The following KIAA0232 variants were observed in gnomAD, a reference collection of about 807,000 sequenced individuals.
KIAA0232 encodes uncharacterized protein KIAA0232.
KIAA0232 carries 27 observed loss-of-function variants against 122.0 expected under a neutral mutation model. The observed-to-expected ratio is 0.22, with a 90% CI of 0.16 to 0.31. The LOEUF is 0.31. Ranked by LOEUF, KIAA0232 falls within the 10% of genes least tolerant of loss-of-function variation. The probability of loss-of-function intolerance (pLI) is 1.00; values close to 1 mark genes in which losing one functional copy is unlikely to be tolerated. For synonymous variants in KIAA0232, 613 were observed against 587.6 expected, an observed-to-expected ratio of 1.04 and a Z score of -0.63; for missense variants, 1,551 against 1,634.2, an observed-to-expected ratio of 0.95 and a Z score of 0.88.
chr4:6,854,718 A>G (rs1234603329), intron 4 of KIAA0232, among the ~76,000 whole-genome samples: 2 of 152,176 alleles, frequency 1.3e-5, no homozygotes, highest in South Asian at 2.1e-4. Flanking sequence ...CAGTTAGGAA[A>G]AGCAATTCAT....
Position 6,882,091 on chromosome 4 carries a change from C to T in KIAA0232, c.*1125C>T, listed in dbSNP as rs1353076197. 1 of 152,498 alleles carries T rather than the reference C, an allele frequency of 6.6e-6. No individual in the cohort carries two copies. The highest frequency in any genetic ancestry group is 1.5e-5 in the Non-Finnish European group (1 of 68,032). The allele number at this position is 152,498 out of a possible 1,614,324, so 9.4% of individuals were successfully genotyped here. A position where few individuals can be genotyped will look rare whatever the true frequency, so the allele number is the denominator to read the frequency against. ...GGCTCCCGTTTCTCCTTGGTGAGCC[C>T]GGGGAGCCGGCGCATCTTGTGAGTC... On this transcript the variant is annotated 3_prime_UTR_variant, in exon 10 of 10. Coordinates refer to ENST00000307659, the MANE Select transcript of KIAA0232 (RefSeq NM_014743.3).
intron 3 of KIAA0232, among the ~76,000 whole-genome samples, chr4:6,833,680 C>T (rs1719114609): frequency 6.6e-6 from 1 of 152,096 alleles, no homozygotes; most frequent in Non-Finnish European, 1.5e-5. Flanking sequence ...GTTCATGCTA[C>T]TGATGGAAGA....
At chr4:6,857,695 T>TCAA (rs1720636109) in intron 5 of KIAA0232, among the ~76,000 whole-genome samples, 1 of 152,226 alleles carries the variant, frequency 6.6e-6, no homozygotes, top group Non-Finnish European at 1.5e-5. Context: ...GACTTCTGTT[T>TCAA]TGACTCAGCT....
chr4:6,856,178 GT>G (rs915391200), intron 4 of KIAA0232, among the ~76,000 whole-genome samples: 14 of 152,266 alleles, frequency 9.2e-5, no homozygotes, highest in Non-Finnish European at 1.5e-4. Context: ...GTCATTTTGA[GT>G]TAAGTGAATG....
chr4:6,823,942 TG>T (rs768911125), intron 2 of KIAA0232, among the ~76,000 whole-genome samples: 1 of 152,126 alleles, frequency 6.6e-6, no homozygotes, highest in Non-Finnish European at 1.5e-5. Flanking sequence ...CTCGAACTCC[TG>T]GGTTCAGGCA....
chr4:6,816,128 T>G (rs946884044), intron 2 of KIAA0232, among the ~76,000 whole-genome samples: 15 of 152,260 alleles, frequency 9.9e-5, no homozygotes, highest in Admixed American at 3.9e-4. Context: ...GGTTCTGTGG[T>G]AGACAATTGT....
At position 6,861,534 on chromosome 4, in the gene KIAA0232, AGACCTGTACATGGAGAATAGAAAG is replaced by A; in HGVS notation, c.1156_1179del (p.Leu386_Asp393del). 1 of 1,614,112 alleles carries A rather than the reference AGACCTGTACATGGAGAATAGAAAG, an allele frequency of 6.2e-7. No homozygotes were observed. The highest frequency in any genetic ancestry group is 8.5e-7 in the Non-Finnish European group (1 of 1,180,016). Reference sequence around the variant, plus strand: ...AAGATCCTGGGAGCACTGAAGGAAAAGACCTGTACATGGAGAATAGAAAGGACACAGAGTATAAAGAGGAGCCCT... The same window carrying A: ...AAGATCCTGGGAGCACTGAAGGAAAAGACACAGAGTATAAAGAGGAGCCCT... On this transcript the variant is annotated inframe_deletion, in exon 7 of 10. Coordinates refer to ENST00000307659, the MANE Select transcript of KIAA0232 (RefSeq NM_014743.3).
intron 2 of KIAA0232, among the ~76,000 whole-genome samples, chr4:6,805,923 A>T (rs1452125693): frequency 3.3e-5 from 5 of 152,068 alleles, no homozygotes; most frequent in African/African-American, 1.2e-4. Flanking sequence ...CTTTTCCAAC[A>T]ATTTTTCCAA....
chr4:6,798,011 T>C (rs1396561640), intron 1 of KIAA0232, among the ~76,000 whole-genome samples: 1 of 149,304 alleles, frequency 6.7e-6, no homozygotes, highest in Non-Finnish European at 1.5e-5. Context: ...TGAGCTGAGA[T>C]TACGCCACTG....
intron 2 of KIAA0232, among the ~76,000 whole-genome samples, chr4:6,819,224 G>A (rs949930429): frequency 1.3e-5 from 2 of 152,122 alleles, no homozygotes; most frequent in African/African-American, 2.4e-5. Flanking sequence ...TGACAAATGA[G>A]ATCTAATTAA....
In KIAA0232 at chr4:6,842,741, A is replaced by C. The variant is rs188236623; in HGVS notation, c.369+537A>C. On this transcript the variant is annotated intron_variant, in intron 4 of 9. Coordinates refer to ENST00000307659, the MANE Select transcript of KIAA0232 (RefSeq NM_014743.3). ...GCCAGAATTACAGGCACGTGCCACCATGCCTGGCTAATTTTTTTGCATTTT... is the reference window on the plus strand; with the variant it reads ...GCCAGAATTACAGGCACGTGCCACCCTGCCTGGCTAATTTTTTTGCATTTT... Among the ~76,000 whole-genome samples, 51 of 152,202 alleles carry C rather than the reference A, an allele frequency of 3.4e-4. 1 individual carries two copies. In the East Asian group the frequency reaches 5.2e-3, roughly 16 times the overall value.
intron 3 of KIAA0232, among the ~76,000 whole-genome samples, chr4:6,827,488 C>T (rs935726365): frequency 2.0e-5 from 3 of 152,220 alleles, no homozygotes; most frequent in Admixed American, 6.5e-5. Context: ...CGCAGCCCCT[C>T]GAGTGGAGGC....
Position 6,862,069 on chromosome 4 carries a change from G to C in KIAA0232, c.1687G>C (p.Glu563Gln), listed in dbSNP as rs775902799. 1 of 1,614,064 alleles carries C rather than the reference G, an allele frequency of 6.2e-7. No homozygotes were observed. The highest frequency in any genetic ancestry group is 8.5e-7 in the Non-Finnish European group (1 of 1,180,036). ...GTTAGATGGTATGGAGTTGCAAGGG[G>C]AACGTGCAATATGGACAGATTCTAC... ...IVLDGMELQG[E>Q]RAIWTDSTSS... The change falls in exon 7 of 10, where the codon GAA becomes CAA. Residue 563 changes from glutamate (E) to glutamine (Q), a missense_variant. This residue lies in a region of KIAA0232 where 1,108 missense variants were observed against 1,154.8 expected (regional missense o/e 0.96). Transcript: ENST00000307659.
At chr4:6,846,700 A>G (rs1719985403) in intron 4 of KIAA0232, among the ~76,000 whole-genome samples, 1 of 152,000 alleles carries the variant, frequency 6.6e-6, no homozygotes, top group South Asian at 2.1e-4. Context: ...CAATAGAAAG[A>G]ATCAGTGTGT....
intron 1 of KIAA0232, among the ~76,000 whole-genome samples, chr4:6,800,887 G>C (rs374441482): frequency 8.5e-5 from 13 of 152,200 alleles, no homozygotes; most frequent in Non-Finnish European, 1.9e-4. Context: ...AGCCCAGTTA[G>C]GAAGGGCAGG....
At chr4:6,807,351 A>C (rs1305024518) in intron 2 of KIAA0232, among the ~76,000 whole-genome samples, 1 of 152,210 alleles carries the variant, frequency 6.6e-6, no homozygotes, top group Admixed American at 6.5e-5. Context: ...TTAATAATTC[A>C]TTTTAATTGT....
At chr4:6,792,850 C>A (rs1297330614) in intron 1 of KIAA0232, among the ~76,000 whole-genome samples, 1 of 151,914 alleles carries the variant, frequency 6.6e-6, no homozygotes, top group African/African-American at 2.4e-5. Flanking sequence ...CCACCACGCC[C>A]GGCTAATGTT....
chr4:6,819,448 A>T (rs1718316085), intron 2 of KIAA0232, among the ~76,000 whole-genome samples: 1 of 152,192 alleles, frequency 6.6e-6, no homozygotes, highest in Non-Finnish European at 1.5e-5. Flanking sequence ...GGCAAAAGAC[A>T]TGAACAGACA....
chr4:6,818,910 A>G (rs1384528054), intron 2 of KIAA0232, among the ~76,000 whole-genome samples: 1 of 152,216 alleles, frequency 6.6e-6, no homozygotes, highest in African/African-American at 2.4e-5. Flanking sequence ...TAGAGAACCC[A>G]GAAATAAAGG....
Sources: allele counts gnomAD v4.1 joint callset (sites outside exome capture counted in the v4.1 genomes callset), GRCh38; gene constraint gnomAD v4.1.1; regional missense constraint gnomAD v4.1.1; transcripts MANE v1.5; gene names NCBI Gene and HGNC (gene_info 2026-07-23, HGNC 2026-07-21).